KCTD8: variants seen among roughly 807,000 people sequenced by gnomAD.
KCTD8 encodes the protein BTB/POZ domain-containing protein KCTD8.
In KCTD8, 27 loss-of-function variants were observed where a neutral mutation model predicts 31.5. That is an observed-to-expected ratio of 0.86 (90% CI 0.63 to 1.18). The LOEUF is 1.18. Among genes scored for constraint, KCTD8 ranks in the 50% most tolerant of loss-of-function variants. The probability of loss-of-function intolerance (pLI) is 0.00; values close to 1 mark genes in which losing one functional copy is unlikely to be tolerated. For missense variants in KCTD8, 658 were observed against 647.7 expected, an observed-to-expected ratio of 1.02 and a Z score of -0.17; for synonymous variants, 290 against 280.0, an observed-to-expected ratio of 1.04 and a Z score of -0.36.
chr4:44,435,536 C>G (rs1443680039), intron 1 of KCTD8, among the ~76,000 whole-genome samples: 1 of 151,954 alleles, frequency 6.6e-6, no homozygotes, highest in Non-Finnish European at 1.5e-5. Context: ...GAATTGATAA[C>G]TTGCAAGTAA....
At chr4:44,331,309 A>G (rs990497428) in intron 1 of KCTD8, among the ~76,000 whole-genome samples, 1 of 151,918 alleles carries the variant, frequency 6.6e-6, no homozygotes, top group African/African-American at 2.4e-5. Context: ...TATTAATCAC[A>G]GGCAGGCATA....
chr4:44,186,783 C>T (rs1713603387), intron 1 of KCTD8, among the ~76,000 whole-genome samples: 2 of 152,210 alleles, frequency 1.3e-5, no homozygotes, highest in Admixed American at 1.3e-4. Flanking sequence ...TCCTTTTCGT[C>T]TTGGTATTTC....
intron 1 of KCTD8, among the ~76,000 whole-genome samples, chr4:44,220,079 G>A (rs1714764339): frequency 1.3e-5 from 2 of 152,190 alleles, no homozygotes; most frequent in African/African-American, 4.8e-5. Flanking sequence ...AGGCAGGACA[G>A]AGCCCTTCTT....
At chr4:44,359,913 T>C (rs1560435521) in intron 1 of KCTD8, among the ~76,000 whole-genome samples, 1 of 152,096 alleles carries the variant, frequency 6.6e-6, no homozygotes, top group Non-Finnish European at 1.5e-5. Flanking sequence ...TATACATATT[T>C]ATGTGACTTT....
chr4:44,187,315 TACAG>T (rs1713617913), intron 1 of KCTD8, among the ~76,000 whole-genome samples: 1 of 152,250 alleles, frequency 6.6e-6, no homozygotes, highest in Non-Finnish European at 1.5e-5. Flanking sequence ...GCAAAGTTGT[TACAG>T]ACACCTTGCA....
chr4:44,274,140 T>A (rs1457990988), intron 1 of KCTD8, among the ~76,000 whole-genome samples: 1 of 151,888 alleles, frequency 6.6e-6, no homozygotes, highest in East Asian at 1.9e-4. Context: ...TTTTATAATA[T>A]TGGTTTAGAC....
chr4:44,436,962 T>C (rs1232426808), intron 1 of KCTD8, among the ~76,000 whole-genome samples: 1 of 151,834 alleles, frequency 6.6e-6, no homozygotes, highest in Non-Finnish European at 1.5e-5. Context: ...GGCCATAAAA[T>C]AAAGAGCCTT....
intron 1 of KCTD8, among the ~76,000 whole-genome samples, chr4:44,264,836 G>A (rs1386669248): frequency 1.3e-5 from 2 of 152,206 alleles, no homozygotes; most frequent in African/African-American, 4.8e-5. Context: ...CGAGGCTGGG[G>A]GAGGGGTGCA....
At chr4:44,292,354 A>C (rs576886318) in intron 1 of KCTD8, among the ~76,000 whole-genome samples, 2 of 152,262 alleles carry the variant, frequency 1.3e-5, no homozygotes, top group East Asian at 3.9e-4. Flanking sequence ...TTATCATCCT[A>C]AGAGAATTAA....
intron 1 of KCTD8, among the ~76,000 whole-genome samples, chr4:44,386,219 G>C (rs1720207463): frequency 6.6e-6 from 1 of 151,402 alleles, no homozygotes; most frequent in African/African-American, 2.4e-5. Flanking sequence ...AAAATTGAAA[G>C]CAGAATTTCT....
intron 1 of KCTD8, among the ~76,000 whole-genome samples, chr4:44,315,698 C>T (rs1718088170): frequency 6.6e-6 from 1 of 151,900 alleles, no homozygotes; most frequent in African/African-American, 2.4e-5. Flanking sequence ...GTATAATTTA[C>T]CCTCACATTT....
At chr4:44,349,068 A>ACTG (rs1553902841) in intron 1 of KCTD8, among the ~76,000 whole-genome samples, 3 of 94,068 alleles carry the variant, frequency 3.2e-5, no homozygotes, top group Admixed American at 9.5e-5. Context: ...CATCGCTGCC[A>ACTG]CCGCCACCAC....
At chr4:44,308,967 TATA>T (rs1250809732) in intron 1 of KCTD8, among the ~76,000 whole-genome samples, 1 of 152,118 alleles carries the variant, frequency 6.6e-6, no homozygotes, top group Non-Finnish European at 1.5e-5. Flanking sequence ...GAATAGTAAT[TATA>T]ATAATAGAAT....
chr4:44,340,307 T>C (rs1192936755), intron 1 of KCTD8, among the ~76,000 whole-genome samples: 2 of 149,020 alleles, frequency 1.3e-5, no homozygotes, highest in Non-Finnish European at 3.0e-5. Context: ...TGTACATTTT[T>C]GTTTTTTTTG....
At chr4:44,394,703 C>A (rs750181000) in intron 1 of KCTD8, among the ~76,000 whole-genome samples, 5 of 152,016 alleles carry the variant, frequency 3.3e-5, no homozygotes, top group Admixed American at 1.3e-4. Context: ...AGCATTACAT[C>A]TAGGGATTTT....
intron 1 of KCTD8, among the ~76,000 whole-genome samples, chr4:44,227,615 C>A (rs942810443): frequency 7.9e-5 from 12 of 152,114 alleles, no homozygotes; most frequent in Admixed American, 5.9e-4. Context: ...TAAGCATTTT[C>A]TTTGATTGTG....
intron 1 of KCTD8, among the ~76,000 whole-genome samples, chr4:44,197,205 A>G (rs979794536): frequency 6.6e-6 from 1 of 152,138 alleles, no homozygotes; most frequent in African/African-American, 2.4e-5. Context: ...CCACTCTCAG[A>G]ACACCAAGAG....
intron 1 of KCTD8, among the ~76,000 whole-genome samples, chr4:44,265,739 G>A (rs531906710): frequency 9.8e-4 from 150 of 152,330 alleles, no homozygotes; most frequent in African/African-American, 3.5e-3. Flanking sequence ...AGAACTACGT[G>A]AAGAATGCAG....
chr4:44,239,416 G>A (rs2109356380), intron 1 of KCTD8, among the ~76,000 whole-genome samples: 1 of 152,314 alleles, frequency 6.6e-6, no homozygotes, highest in East Asian at 1.9e-4. Flanking sequence ...GTAGTAACAT[G>A]AAGATAATAA....
Sources: gnomAD v4.1 joint callset for allele counts (sites outside exome capture counted in the v4.1 genomes callset) on GRCh38, gnomAD v4.1.1 for gene constraint, MANE v1.5 for transcripts, NCBI Gene and HGNC (gene_info 2026-07-23, HGNC 2026-07-21) for gene names.